The following ADAD1 variants were observed in gnomAD, a reference collection of about 807,000 sequenced individuals.
The protein encoded by ADAD1 is adenosine deaminase domain containing 1.
ADAD1 carries 46 observed loss-of-function variants against 66.8 expected under a neutral mutation model. The observed-to-expected ratio is 0.69, with a 90% CI of 0.54 to 0.88. ADAD1 has a LOEUF of 0.88. ADAD1 is among the 40% of genes least tolerant of loss of function. The pLI is 0.00. For synonymous variants in ADAD1, 248 were observed against 229.4 expected, an observed-to-expected ratio of 1.08 and a Z score of -0.73; for missense variants, 617 against 681.8, an observed-to-expected ratio of 0.91 and a Z score of 1.06.
chr4:122,424,465 C>T (rs1797144844), intron 12 of ADAD1, among the ~76,000 whole-genome samples: 1 of 151,958 alleles, frequency 6.6e-6, no homozygotes, highest in African/African-American at 2.4e-5. Flanking sequence ...AGAAATCGCT[C>T]TATATTGAAA....
rs192947638 is a variant in ADAD1, at chr4:122,427,814, C to T, written c.1618-1812C>T. On this transcript the variant is annotated intron_variant, in intron 12 of 12. Transcript: ENST00000296513. ...GTGCTGGGATTACAGGTGTAAGCCACCACACCCAGCGCAATCCAAAGGCCA... is the reference window on the plus strand; with the variant it reads ...GTGCTGGGATTACAGGTGTAAGCCATCACACCCAGCGCAATCCAAAGGCCA... 2.6e-5 allele frequency among the ~76,000 whole-genome samples: 4 copies of T among 151,914 alleles called. No homozygotes were observed. The East Asian group carries it at 5.8e-4, about 22-fold the overall frequency.
intron 12 of ADAD1, among the ~76,000 whole-genome samples, chr4:122,429,076 T>G (rs1009660196): frequency 1.3e-5 from 2 of 151,904 alleles, no homozygotes; most frequent in Non-Finnish European, 2.9e-5. Flanking sequence ...ATTTTGTCTG[T>G]TTTTCAAATT....
chr4:122,411,223 T>C lies in ADAD1; in HGVS notation c.850T>C (p.Tyr284His). The C allele has an allele frequency of 6.3e-7, 1 of 1,585,842 alleles. No homozygotes were observed. Among genetic ancestry groups the C allele is most frequent in the Non-Finnish European group, 8.5e-7 (1 of 1,170,508 alleles). ...ACAAAATTATAACATTTATTTTAGG[T>C]ACTTTTATAGACAACTTCTGCTCTT... ...VVTARRSLLR[Y>H]FYRQLLLFYS... Residue 284 changes from tyrosine to histidine, a missense_variant and splice_region_variant, in exon 9 of 13, where the codon TAC (tyrosine) becomes CAC (histidine). By Grantham distance (83) the Tyr-to-His change is moderately conservative. Transcript: ENST00000296513.
In ADAD1 at chr4:122,420,153, A is replaced by G. The variant is rs377750033; in HGVS notation, c.1488-1108A>G. Among the ~76,000 whole-genome samples, 4 of 152,366 alleles carry G rather than the reference A, an allele frequency of 2.6e-5. No individual in the cohort carries two copies. The East Asian group carries it at 5.8e-4, about 22-fold the overall frequency. ...TCAAAACCACTGCAACAAAAGTGTC[A>G]TGGTGGAAAATTAATATGTAGAAAT... On this transcript the variant is annotated intron_variant, in intron 11 of 12. Coordinates refer to ENST00000296513, the MANE Select transcript of ADAD1 (RefSeq NM_139243.4).
chr4:122,420,801 T>C (rs1796969610), intron 11 of ADAD1, among the ~76,000 whole-genome samples: 1 of 152,246 alleles, frequency 6.6e-6, no homozygotes, highest in South Asian at 2.1e-4. Context: ...ACATAGGTTA[T>C]GTGTATATGT....
chr4:122,391,571 G>C (rs1460798077), intron 5 of ADAD1, among the ~76,000 whole-genome samples: 5 of 152,228 alleles, frequency 3.3e-5, no homozygotes, highest in African/African-American at 1.2e-4. Context: ...GGAGTTATTG[G>C]AGATCCTCCA....
Position 122,411,331 on chromosome 4 carries a change from A to G in ADAD1, c.958A>G (p.Ile320Val), listed in dbSNP as rs1796456357. 3 of 1,613,488 alleles carry G rather than the reference A, an allele frequency of 1.9e-6. No homozygotes were observed. The highest frequency in any genetic ancestry group is 1.3e-5 in the African/African-American group (1 of 75,016). ...TSNLLTLKQN[I>V]NICLYMNQLP... Reference sequence around the variant, plus strand: ...TAATCTACTCACTCTTAAACAGAATATCAACATTTGCCTTTACATGAACCA... The same window carrying G: ...TAATCTACTCACTCTTAAACAGAATGTCAACATTTGCCTTTACATGAACCA... The change falls in exon 9 of 13, where the codon ATC becomes GTC. Residue 320 changes from isoleucine (I) to valine (V), a missense_variant. Coordinates refer to ENST00000296513, the MANE Select transcript of ADAD1 (RefSeq NM_139243.4).
chr4:122,420,316 G>A (rs930217273), intron 11 of ADAD1, among the ~76,000 whole-genome samples: 2 of 152,154 alleles, frequency 1.3e-5, no homozygotes, highest in Admixed American at 6.5e-5. Context: ...ATTTTCTTGG[G>A]CTTTCCCACA....
chr4:122,426,677 G>A (rs573228804), intron 12 of ADAD1, among the ~76,000 whole-genome samples: 1 of 152,302 alleles, frequency 6.6e-6, no homozygotes, highest in African/African-American at 2.4e-5. Context: ...GTTGATTTGA[G>A]ATCAGAAAAT....
chr4:122,406,346 GT>G, intron 7 of ADAD1, among the ~76,000 whole-genome samples: 1 of 152,174 alleles, frequency 6.6e-6, no homozygotes, highest in South Asian at 2.1e-4. Context: ...TCATATACCT[GT>G]TTGTATGTCT....
chr4:122,385,319 C>A (rs1239632967), intron 5 of ADAD1, among the ~76,000 whole-genome samples: 1 of 152,150 alleles, frequency 6.6e-6, no homozygotes, highest in Non-Finnish European at 1.5e-5. Context: ...GTCACCCAGG[C>A]TGGAGTGCAG....
intron 9 of ADAD1, among the ~76,000 whole-genome samples, chr4:122,412,063 A>G (rs1796490314): frequency 6.6e-6 from 1 of 152,184 alleles, no homozygotes; most frequent in Non-Finnish European, 1.5e-5. Flanking sequence ...AGTAAAAGTC[A>G]CTTTAAGTCT....
chr4:122,379,943 C>T, intron 2 of ADAD1, 119 bp from the exon 3 acceptor site: 1 of 979,272 alleles, frequency 1.0e-6, no homozygotes, highest in South Asian at 1.7e-5. Flanking sequence ...TGACTCTAGT[C>T]ATCTGAATAT....
intron 12 of ADAD1, among the ~76,000 whole-genome samples, chr4:122,423,327 TAAC>T (rs1797092587): frequency 6.6e-6 from 1 of 152,170 alleles, no homozygotes; most frequent in Non-Finnish European, 1.5e-5. Context: ...ACTAGCAAGT[TAAC>T]AAGGAGATTT....
intron 5 of ADAD1, among the ~76,000 whole-genome samples, chr4:122,393,117 G>T (rs1481458399): frequency 1.4e-5 from 2 of 142,162 alleles, no homozygotes; most frequent in African/African-American, 2.6e-5. Context: ...AGACCAAATT[G>T]AAAAGCAGTT....
intron 6 of ADAD1, among the ~76,000 whole-genome samples, chr4:122,394,182 G>T (rs932933476): frequency 3.3e-5 from 5 of 152,042 alleles, no homozygotes; most frequent in African/African-American, 1.2e-4. Context: ...AGGATTAAAT[G>T]AATTCATAAA....
chr4:122,408,014 A>G lies in ADAD1; in HGVS notation c.831A>G (p.Ala277=), dbSNP rs1796295046. ...VLHDTHAVVT[A]RRSLLRYFYR... is the part of the protein sequence containing the mutation. ...ATGACACTCATGCTGTTGTTACAGC[A>G]AGAAGGTCTCTTCTTAGGTAAGACA... The change falls in exon 8 of 13, where the codon GCA becomes GCG. Residue 277 remains alanine, a synonymous_variant. Coordinates refer to ENST00000296513, the MANE Select transcript of ADAD1 (RefSeq NM_139243.4). 6.2e-7 allele frequency: 1 copy of G among 1,613,076 alleles called. No individual in the cohort carries two copies.
intron 4 of ADAD1, among the ~76,000 whole-genome samples, chr4:122,382,177 T>C (rs1794930934): frequency 6.6e-6 from 1 of 152,196 alleles, no homozygotes; most frequent in South Asian, 2.1e-4. Flanking sequence ...TTGGTCATTG[T>C]AAGAAAAAAT....
chr4:122,409,670 T>A (rs1443259317), intron 8 of ADAD1, among the ~76,000 whole-genome samples: 1 of 152,146 alleles, frequency 6.6e-6, no homozygotes, highest in Non-Finnish European at 1.5e-5. Context: ...TAACTTTTTC[T>A]TATGGATGTT....
Sources: gnomAD v4.1 joint callset for allele counts (sites outside exome capture counted in the v4.1 genomes callset) on GRCh38, gnomAD v4.1.1 for gene constraint, MANE v1.5 for transcripts, NCBI Gene and HGNC (gene_info 2026-07-23, HGNC 2026-07-21) for gene names.